NAALADL2: variants seen among roughly 807,000 people sequenced by gnomAD.
NAALADL2 encodes the protein N-acetylated alpha-linked acidic dipeptidase like 2.
NAALADL2 carries 76 observed loss-of-function variants against 87.2 expected under a neutral mutation model. The ratio of observed to expected loss-of-function variants is 0.87; its 90% CI spans 0.72 to 1.05. NAALADL2 has a LOEUF of 1.05. Ranked by LOEUF, NAALADL2 falls within the 50% of genes least tolerant of loss-of-function variation. The pLI, the probability that NAALADL2 is intolerant of heterozygous loss-of-function variation, is 0.00. For synonymous variants in NAALADL2, 354 were observed against 331.0 expected (o/e 1.07, Z -0.75); for missense variants, 1,089 against 945.8 (o/e 1.15, Z -1.99).
intron 9 of NAALADL2, among the ~76,000 whole-genome samples, chr3:175,520,551 G>A (rs181244261): frequency 0.02 from 3,036 of 152,140 alleles, 96 homozygotes; most frequent in African/African-American, 0.069. Flanking sequence ...ACCCGCCTCG[G>A]CCTCCCAAAG....
intron 9 of NAALADL2, among the ~76,000 whole-genome samples, chr3:175,496,778 T>C (rs1175989938): frequency 6.6e-6 from 1 of 152,056 alleles, no homozygotes; most frequent in Non-Finnish European, 1.5e-5. Flanking sequence ...CAGGCTGGTC[T>C]TGAACTCTTG....
chr3:174,649,929 G>A (rs1724182687), intron 2 of NAALADL2, among the ~76,000 whole-genome samples: 1 of 151,968 alleles, frequency 6.6e-6, no homozygotes, highest in Non-Finnish European at 1.5e-5. Context: ...ATACAACAAA[G>A]CATTTCTTGC....
intron 2 of NAALADL2, among the ~76,000 whole-genome samples, chr3:174,697,846 C>T (rs1347668787): frequency 7.9e-5 from 12 of 152,114 alleles, no homozygotes; most frequent in Non-Finnish European, 1.5e-5. Context: ...AATCCCAGCA[C>T]TTTGGGAGGC....
At chr3:174,761,939 T>C (rs910200166) in intron 3 of NAALADL2, among the ~76,000 whole-genome samples, 11 of 152,092 alleles carry the variant, frequency 7.2e-5, no homozygotes, top group African/African-American at 2.7e-4. Flanking sequence ...ACCAACCTAA[T>C]GTTATATTTG....
rs150008935 is a variant in NAALADL2 at position 175,595,528 on chromosome 3, T to C, written c.1800+19341T>C. On this transcript the variant is annotated intron_variant, in intron 10 of 13. Coordinates refer to ENST00000454872, the MANE Select transcript of NAALADL2 (RefSeq NM_207015.3). ...CTGCTAGAACTGATAAACAAAGTTATCAGTTTAGCAAGATTTTAAGAAACA... is the reference window on the plus strand; with the variant it reads ...CTGCTAGAACTGATAAACAAAGTTACCAGTTTAGCAAGATTTTAAGAAACA... Among the ~76,000 whole-genome samples, 1,101 of 152,160 alleles carry C rather than the reference T, an allele frequency of 7.2e-3. 26 individuals are homozygous for C. The highest frequency in any genetic ancestry group is 0.019 in the East Asian group (101 of 5,180).
intron 2 of NAALADL2, among the ~76,000 whole-genome samples, chr3:174,645,110 C>T (rs935944371): frequency 1.3e-5 from 2 of 152,128 alleles, no homozygotes; most frequent in South Asian, 2.1e-4. Flanking sequence ...AAACAGCTCC[C>T]GGTCTAGGGC....
intron 2 of NAALADL2, among the ~76,000 whole-genome samples, chr3:174,705,367 T>C (rs946299033): frequency 5.9e-5 from 9 of 152,248 alleles, no homozygotes; most frequent in African/African-American, 2.2e-4. Flanking sequence ...GAACCTGTGA[T>C]AGTTATCTTC....
chr3:174,921,805 A>AC (rs1735238939), intron 1 of NAALADL2, among the ~76,000 whole-genome samples: 1 of 100,292 alleles, frequency 1.0e-5, no homozygotes, highest in Non-Finnish European at 1.9e-5. Flanking sequence ...ACTCCGTCTC[A>AC]AAAAAAAAAA....
intron 2 of NAALADL2, among the ~76,000 whole-genome samples, chr3:174,620,918 A>G (rs1472435839): frequency 6.6e-6 from 1 of 152,108 alleles, no homozygotes; most frequent in Non-Finnish European, 1.5e-5. Context: ...AAATAATAAA[A>G]ACATAATAGG....
chr3:174,732,016 T>A (rs1732748587), intron 2 of NAALADL2, among the ~76,000 whole-genome samples: 1 of 152,124 alleles, frequency 6.6e-6, no homozygotes, highest in African/African-American at 2.4e-5. Context: ...TGTGTCCCAA[T>A]GAAATTTTAC....
intron 11 of NAALADL2, among the ~76,000 whole-genome samples, chr3:175,645,910 A>G (rs994169375): frequency 6.6e-6 from 1 of 152,134 alleles, no homozygotes. Context: ...TTGGCAGTAA[A>G]CAGCATCAGA....
At chr3:174,450,331 T>G (rs1444460603) in intron 1 of NAALADL2, among the ~76,000 whole-genome samples, 1 of 151,850 alleles carries the variant, frequency 6.6e-6, no homozygotes, top group East Asian at 1.9e-4. Context: ...AAATTAGGGG[T>G]TTATATAGCA....
At chr3:175,700,345 T>A (rs969409799) in intron 11 of NAALADL2, among the ~76,000 whole-genome samples, 1 of 152,116 alleles carries the variant, frequency 6.6e-6, no homozygotes, top group African/African-American at 2.4e-5. Context: ...GAAACTTTTT[T>A]GTCCATGAAT....
intron 3 of NAALADL2, among the ~76,000 whole-genome samples, chr3:174,740,063 G>A (rs1285723357): frequency 6.6e-6 from 1 of 151,988 alleles, no homozygotes; most frequent in Non-Finnish European, 1.5e-5. Flanking sequence ...AAGTGCCAGT[G>A]TGATTTAAGC....
At chr3:174,975,552 G>GC (rs1017275540) in intron 1 of NAALADL2, among the ~76,000 whole-genome samples, 114 of 151,954 alleles carry the variant, frequency 7.5e-4, no homozygotes, top group African/African-American at 2.4e-3. Context: ...TAACCCCGCC[G>GC]CCCCCCCACC....
At chr3:175,065,959 G>A (rs1231727636) in intron 1 of NAALADL2, among the ~76,000 whole-genome samples, 2 of 152,150 alleles carry the variant, frequency 1.3e-5, no homozygotes, top group African/African-American at 4.8e-5. Context: ...CGGTCTTAAT[G>A]TTGCCATCAA....
intron 5 of NAALADL2, among the ~76,000 whole-genome samples, chr3:175,436,246 A>C (rs1483146618): frequency 1.0e-4 from 15 of 143,198 alleles, no homozygotes; most frequent in African/African-American, 2.4e-4. Context: ...AATCCAGTCT[A>C]TCATTGTTGG....
At chr3:175,692,521 A>G (rs921354053) in intron 11 of NAALADL2, among the ~76,000 whole-genome samples, 1 of 152,150 alleles carries the variant, frequency 6.6e-6, no homozygotes, top group Non-Finnish European at 1.5e-5. Flanking sequence ...ACTAGTCAGG[A>G]CATGGCATTA....
intron 1 of NAALADL2, among the ~76,000 whole-genome samples, chr3:174,550,268 T>A (rs1159333535): frequency 6.6e-6 from 1 of 152,036 alleles, no homozygotes; most frequent in East Asian, 1.9e-4. Context: ...AAATGTTATA[T>A]ATGAGAAAAG....
Sources: gnomAD v4.1 joint callset for allele counts (sites outside exome capture counted in the v4.1 genomes callset) on GRCh38, gnomAD v4.1.1 for gene constraint, MANE v1.5 for transcripts, NCBI Gene and HGNC (gene_info 2026-07-23, HGNC 2026-07-21) for gene names.